Variants in MUSK observed in about 807,000 individuals in gnomAD.
MUSK encodes muscle, skeletal receptor tyrosine-protein kinase.
In MUSK, 55 loss-of-function variants were observed where a neutral mutation model predicts 88.7. That is an observed-to-expected ratio of 0.62 (90% CI 0.50 to 0.78). The LOEUF is 0.78. Ranked by LOEUF, MUSK falls within the 30% of genes least tolerant of loss-of-function variation. The pLI is 0.00. For synonymous variants in MUSK, 387 were observed against 391.9 expected, an observed-to-expected ratio of 0.99 and a Z score of 0.15; for missense variants, 1,015 against 1,074.3, an observed-to-expected ratio of 0.94 and a Z score of 0.77.
Position 110,779,437 on chromosome 9 carries a change from G to T in MUSK, c.1384+2782G>T, listed in dbSNP as rs149114818. On this transcript the variant is annotated intron_variant, in intron 11 of 14. Transcript: ENST00000374448. ...ATAGTCCTTAAAATATTTGGAGACAGGCACTCAATCTCTCTGTAGTCTTCT... is the reference window on the plus strand; with the variant it reads ...ATAGTCCTTAAAATATTTGGAGACATGCACTCAATCTCTCTGTAGTCTTCT... Among the ~76,000 whole-genome samples the T allele has an allele frequency of 4.8e-3, 737 of 152,206 alleles. 5 individuals are homozygous for T. Among genetic ancestry groups the T allele is most frequent in the Non-Finnish European group, 6.4e-3 (438 of 67,972 alleles).
intron 2 of MUSK, among the ~76,000 whole-genome samples, chr9:110,684,173 G>T (rs1031815151): frequency 6.6e-6 from 1 of 152,034 alleles, no homozygotes; most frequent in African/African-American, 2.4e-5. Flanking sequence ...AGAGAGATAG[G>T]GGTCTAGTTT....
In MUSK at chr9:110,695,522, C is replaced by G. The variant is rs534943745; in HGVS notation, c.478C>G (p.Pro160Ala). 1.3e-6 allele frequency: 2 copies of G among 1,557,016 alleles called. No homozygotes were observed. The highest frequency in any genetic ancestry group is 1.7e-6 in the Non-Finnish European group (2 of 1,148,682). Residue 160 changes from proline to alanine, a missense_variant, in exon 4 of 15, where the codon CCT (proline) becomes GCT (alanine). By Grantham distance (27) the Pro-to-Ala change is conservative. Coordinates refer to ENST00000374448, the MANE Select transcript of MUSK (RefSeq NM_005592.4). ...PSVSWIKGDS[P>A]LRENSRIAVL... ...AGTGTCTTGGATAAAGGGAGACAGCCCTCTCAGGGTAAGTGGTTATGATGT... is the reference window on the plus strand; with the variant it reads ...AGTGTCTTGGATAAAGGGAGACAGCGCTCTCAGGGTAAGTGGTTATGATGT...
intron 5 of MUSK, among the ~76,000 whole-genome samples, chr9:110,716,988 A>G (rs2076752819): frequency 6.7e-6 from 1 of 149,410 alleles, no homozygotes; most frequent in South Asian, 2.1e-4. Context: ...TTTGTTTGGT[A>G]TTCTTCTATC....
chr9:110,764,602 ATTAGATAGATAG>A (rs753621664), intron 8 of MUSK, among the ~76,000 whole-genome samples: 1 of 99,946 alleles, frequency 1.0e-5, no homozygotes, highest in African/African-American at 3.2e-5. Context: ...AGATAGATAG[ATTAGATAGATAG>A]ATAGATAGAT....
intron 5 of MUSK, among the ~76,000 whole-genome samples, chr9:110,707,935 C>T (rs902676881): frequency 2.0e-5 from 3 of 152,288 alleles, no homozygotes; most frequent in South Asian, 4.1e-4. Flanking sequence ...AGGACACCTG[C>T]GTGCTGCCAG....
intron 5 of MUSK, among the ~76,000 whole-genome samples, chr9:110,715,248 A>C (rs10759461): frequency 0.4 from 59,157 of 149,288 alleles, 13,574 homozygotes; most frequent in Non-Finnish European, 0.45. Flanking sequence ...CCCAGTTATG[A>C]GTTAGCTGCT....
intron 3 of MUSK, among the ~76,000 whole-genome samples, chr9:110,689,461 TTA>T (rs1181828743): frequency 5.4e-5 from 6 of 110,120 alleles, no homozygotes; most frequent in South Asian, 5.2e-4. Context: ...AAATACATAT[TTA>T]TATATATGTA....
chr9:110,759,141 C>T (rs914391316), intron 7 of MUSK, among the ~76,000 whole-genome samples: 2 of 152,072 alleles, frequency 1.3e-5, no homozygotes, highest in African/African-American at 4.8e-5. Flanking sequence ...GACATATAGA[C>T]CACTGGAAGA....
chr9:110,739,352 A>G (rs1182808557), intron 6 of MUSK, among the ~76,000 whole-genome samples: 1 of 152,170 alleles, frequency 6.6e-6, no homozygotes, highest in African/African-American at 2.4e-5. Flanking sequence ...GACAGCATGC[A>G]TGAAGTATTG....
At position 110,802,871 on chromosome 9, in the gene MUSK, A is replaced by G. The variant is rs1473578864; in HGVS notation, c.*1883A>G. Among the ~76,000 whole-genome samples, 1 of 152,202 alleles carries G rather than the reference A, an allele frequency of 6.6e-6. No individual in the cohort carries two copies. The highest frequency in any genetic ancestry group is 1.5e-5 in the Non-Finnish European group (1 of 68,032). ...AGCATTTAGGACTGAGACCTAAAGAAGTGCTTCAGATAAAAATCATGAGTC... is the reference window on the plus strand; with the variant it reads ...AGCATTTAGGACTGAGACCTAAAGAGGTGCTTCAGATAAAAATCATGAGTC... On this transcript the variant is annotated 3_prime_UTR_variant, in exon 15 of 15. Coordinates refer to ENST00000374448, the MANE Select transcript of MUSK (RefSeq NM_005592.4).
chr9:110,704,418 C>T (rs1329590051), intron 5 of MUSK, among the ~76,000 whole-genome samples: 1 of 152,076 alleles, frequency 6.6e-6, no homozygotes, highest in East Asian at 1.9e-4. Context: ...AAAAGCAGAA[C>T]CTACCTCTTA....
intron 1 of MUSK, among the ~76,000 whole-genome samples, chr9:110,682,265 A>T (rs1366813638): frequency 6.6e-6 from 1 of 152,042 alleles, no homozygotes; most frequent in Non-Finnish European, 1.5e-5. Context: ...TTAAAAAACA[A>T]TTTTTTAAAT....
intron 7 of MUSK, among the ~76,000 whole-genome samples, chr9:110,748,338 A>G (rs999995594): frequency 6.6e-6 from 1 of 151,976 alleles, no homozygotes. Flanking sequence ...GGTCATGCCA[A>G]TTTCTGCATG....
intron 7 of MUSK, among the ~76,000 whole-genome samples, chr9:110,755,979 C>CGTATATAT (rs111630775): frequency 3.4e-4 from 35 of 102,520 alleles, no homozygotes; most frequent in African/African-American, 2.1e-4. Context: ...TATATATATA[C>CGTATATAT]ATATATATAT....
At chr9:110,798,966 C>T (rs978909949) in intron 14 of MUSK, among the ~76,000 whole-genome samples, 2 of 151,474 alleles carry the variant, frequency 1.3e-5, no homozygotes, top group Non-Finnish European at 2.9e-5. Flanking sequence ...CATTTTTTTC[C>T]AGTATAAGAA....
rs539752507 is a variant in MUSK at position 110,731,242 on chromosome 9, CT to C, written c.629-3007del. Among the ~76,000 whole-genome samples, 411 of 152,080 alleles carry C rather than the reference CT, an allele frequency of 2.7e-3. 1 individual carries two copies. The highest frequency in any genetic ancestry group is 4.7e-3 in the Non-Finnish European group (321 of 67,970). The stretch of plus-strand genomic sequence containing the variant: ...GTTAAAAAGCAAAGCAAACCTTGCC[CT>C]TGTGATGCTTACATTCTAGAGAGGA... On this transcript the variant is annotated intron_variant, in intron 5 of 14. Coordinates refer to ENST00000374448, the MANE Select transcript of MUSK (RefSeq NM_005592.4).
chr9:110,775,063 G>C (rs544017807), intron 9 of MUSK, among the ~76,000 whole-genome samples: 1 of 152,028 alleles, frequency 6.6e-6, no homozygotes, highest in South Asian at 2.1e-4. Flanking sequence ...TTTCTATCAG[G>C]CTTAAACAAA....
At position 110,787,806 on chromosome 9, in the gene MUSK, A is replaced by G; in HGVS notation, c.1895A>G (p.Glu632Gly). 6.2e-7 allele frequency: 1 copy of G among 1,613,412 alleles called. No individual in the cohort carries two copies. Among genetic ancestry groups the G allele is most frequent in the Admixed American group, 1.7e-5 (1 of 59,942 alleles). The change falls in exon 14 of 15, where the codon GAA becomes GGA. Residue 632 changes from glutamate to glycine, a missense_variant. Physicochemically the swap from Glu to Gly is moderately conservative, Grantham distance 98 (BLOSUM62 -2). Transcript: ENST00000374448. ...DFQREAALMA[E>G]FDNPNIVKLL... ...CAGAGGGAGGCAGCCCTCATGGCAG[A>G]ATTTGACAACCCTAACATTGTGAAG...
intron 1 of MUSK, among the ~76,000 whole-genome samples, chr9:110,674,279 T>C (rs2075996648): frequency 6.6e-6 from 1 of 152,166 alleles, no homozygotes; most frequent in Admixed American, 6.5e-5. Flanking sequence ...CAAGAACTTA[T>C]ATAATAATAA....
Sources: allele counts gnomAD v4.1 joint callset (sites outside exome capture counted in the v4.1 genomes callset), GRCh38; gene constraint gnomAD v4.1.1; transcripts MANE v1.5; gene names NCBI Gene and HGNC (gene_info 2026-07-23, HGNC 2026-07-21).